Variants in ENOX1 observed in about 807,000 individuals in gnomAD.
The protein encoded by ENOX1 is ecto-NOX disulfide-thiol exchanger 1, also known as candidate growth-related and time keeping constitutive hydroquinone (NADH) oxidase.
In ENOX1, 42 loss-of-function variants were observed where a neutral mutation model predicts 82.5. The ratio of observed to expected loss-of-function variants is 0.51; its 90% confidence interval spans 0.40 to 0.66. The LOEUF is 0.66. Ranked by LOEUF, ENOX1 falls within the 30% of genes least tolerant of loss-of-function variation. The probability of loss-of-function intolerance (pLI) is 0.00; values close to 1 mark genes in which losing one functional copy is unlikely to be tolerated. For missense variants in ENOX1, 608 were observed against 811.6 expected, an observed-to-expected ratio of 0.75 and a Z score of 3.05; for synonymous variants, 271 against 282.2, an observed-to-expected ratio of 0.96 and a Z score of 0.40.
At chr13:43,652,386 T>C (rs2084234294) in intron 2 of ENOX1, among the ~76,000 whole-genome samples, 1 of 152,196 alleles carries the variant, frequency 6.6e-6, no homozygotes, top group African/African-American at 2.4e-5. Context: ...ACTTGTAGTA[T>C]GCTAACATGC....
intron 9 of ENOX1, among the ~76,000 whole-genome samples, chr13:43,341,226 G>A (rs1165971122): frequency 6.6e-6 from 1 of 151,898 alleles, no homozygotes; most frequent in African/African-American, 2.4e-5. Context: ...GAACCCGGAG[G>A]CAGAGGTTGC....
At chr13:43,612,832 T>C (rs1295591141) in intron 2 of ENOX1, among the ~76,000 whole-genome samples, 1 of 148,590 alleles carries the variant, frequency 6.7e-6, no homozygotes, top group East Asian at 2.0e-4. Context: ...AACATTTATG[T>C]ATCACTACCT....
chr13:43,611,001 A>G (rs2082176931), intron 2 of ENOX1, among the ~76,000 whole-genome samples: 1 of 152,200 alleles, frequency 6.6e-6, no homozygotes, highest in South Asian at 2.1e-4. Context: ...CAGGAATGCC[A>G]ATAATTTTTT....
chr13:43,286,276 G>A (rs1430287915), intron 12 of ENOX1, among the ~76,000 whole-genome samples: 3 of 152,168 alleles, frequency 2.0e-5, no homozygotes, highest in Non-Finnish European at 4.4e-5. Flanking sequence ...GCAAAAGTCC[G>A]CTTTGATGTA....
chr13:43,392,569 C>T (rs1253992948), intron 5 of ENOX1, among the ~76,000 whole-genome samples: 1 of 152,082 alleles, frequency 6.6e-6, no homozygotes, highest in Admixed American at 6.5e-5. Flanking sequence ...GTGGCAGGTG[C>T]CTGTAGTCCC....
intron 12 of ENOX1, among the ~76,000 whole-genome samples, chr13:43,289,479 C>A (rs549324629): frequency 1.2e-4 from 19 of 152,282 alleles, no homozygotes; most frequent in African/African-American, 4.3e-4. Context: ...GGAAAGGACT[C>A]TCTGTTCAAT....
At position 43,549,522 on chromosome 13, in the gene ENOX1, A is replaced by G. The variant is rs1314634434; in HGVS notation, c.-218-65370T>C. On this transcript the variant is annotated intron_variant, in intron 2 of 16. Coordinates refer to ENST00000690772, the MANE Select transcript of ENOX1 (RefSeq NM_001347969.2). ...TTTTCAGTTCATCTTCTGACTTCAC[A>G]AGAATGGAAGTTTTGTATTCTACTA... 7.9e-5 allele frequency among the ~76,000 whole-genome samples: 12 copies of G among 152,346 alleles called. No homozygotes were observed. The East Asian group carries it at 2.3e-3, about 29-fold the overall frequency.
At chr13:43,240,371 G>C (rs995061953) in intron 14 of ENOX1, among the ~76,000 whole-genome samples, 4 of 152,158 alleles carry the variant, frequency 2.6e-5, no homozygotes, top group Admixed American at 6.5e-5. Flanking sequence ...TGGAGAAGTA[G>C]GTAGATCATG....
At chr13:43,217,112 C>A (rs532689018) in intron 16 of ENOX1, among the ~76,000 whole-genome samples, 29 of 152,186 alleles carry the variant, frequency 1.9e-4, no homozygotes, top group Non-Finnish European at 3.1e-4. Flanking sequence ...TTCTTAACCA[C>A]CCCTGCCCAC....
At chr13:43,420,578 G>T (rs1334765244) in intron 3 of ENOX1, among the ~76,000 whole-genome samples, 1 of 152,150 alleles carries the variant, frequency 6.6e-6, no homozygotes, top group African/African-American at 2.4e-5. Context: ...TGTGGTAAAA[G>T]AAAACATAAA....
chr13:43,608,600 C>T (rs1329287), intron 2 of ENOX1, among the ~76,000 whole-genome samples: 148,894 of 152,228 alleles, frequency 0.98, 72,912 homozygotes, highest in Middle Eastern at 1. Context: ...CTCAGGGCTA[C>T]TGGTCATAGG....
At chr13:43,708,538 A>T (rs1463642310) in intron 1 of ENOX1, among the ~76,000 whole-genome samples, 1 of 152,186 alleles carries the variant, frequency 6.6e-6, no homozygotes, top group Non-Finnish European at 1.5e-5. Flanking sequence ...CCTCAGTCAA[A>T]TTCTTTCTTC....
intron 8 of ENOX1, among the ~76,000 whole-genome samples, chr13:43,350,080 T>C (rs1555329233): frequency 6.6e-6 from 1 of 152,192 alleles, no homozygotes; most frequent in Admixed American, 6.5e-5. Context: ...TTTGTAGGAG[T>C]AGAACATAAA....
chr13:43,600,620 ACAAACTTG>A (rs2081667104), intron 2 of ENOX1, among the ~76,000 whole-genome samples: 2 of 152,198 alleles, frequency 1.3e-5, no homozygotes, highest in Admixed American at 1.3e-4. Context: ...CAGGAAGAAC[ACAAACTTG>A]GCTGGCTTTA....
rs1205957571 is a variant in ENOX1, at chr13:43,726,749, T to TGA, written c.-284-59206_-284-59205insTC. 8.6e-5 allele frequency among the ~76,000 whole-genome samples: 12 copies of TGA among 139,000 alleles called. No homozygotes were observed. The Middle Eastern group carries it at 0.011, about 124-fold the overall frequency. 91.2% of individuals were successfully genotyped at this position (139,000 alleles called of 152,430 possible). A position where few individuals can be genotyped will look rare whatever the true frequency, so the allele number is the denominator to read the frequency against. ...GTGTGTGTGTGTGTGTGTGTGTGTG[T>TGA]GTGTGAGAGAGAGACAGGGTCTCAC... is the stretch of plus-strand genomic sequence containing the variant. On this transcript the variant is annotated intron_variant, in intron 1 of 16. Coordinates refer to ENST00000690772, the MANE Select transcript of ENOX1 (RefSeq NM_001347969.2).
rs141356594 is a variant in ENOX1, at chr13:43,691,662, T to C, written c.-284-24118A>G. The stretch of plus-strand genomic sequence containing the variant: ...TGGTTCATTCCTACTATATGTTTAA[T>C]GTTCATTCAGGGATAATCTCCTGGA... On this transcript the variant is annotated intron_variant, in intron 1 of 16. Transcript: ENST00000690772. Among the ~76,000 whole-genome samples the C allele has an allele frequency of 8.9e-3, 1,355 of 151,924 alleles. 21 individuals carry two copies. Among genetic ancestry groups the C allele is most frequent in the African/African-American group, 0.031 (1,283 of 41,426 alleles).
At chr13:43,492,192 T>C (rs1340340062) in intron 2 of ENOX1, among the ~76,000 whole-genome samples, 2 of 152,182 alleles carry the variant, frequency 1.3e-5, no homozygotes, top group Non-Finnish European at 2.9e-5. Flanking sequence ...CTTTATCTAT[T>C]AGCCTATGAG....
intron 8 of ENOX1, among the ~76,000 whole-genome samples, chr13:43,347,637 A>G (rs1481436098): frequency 1.3e-5 from 2 of 152,240 alleles, no homozygotes; most frequent in Non-Finnish European, 2.9e-5. Context: ...TTTTGTATTC[A>G]GTGGAAAGAT....
At chr13:43,547,477 A>T (rs2079022068) in intron 2 of ENOX1, 1 of 152,236 alleles carries the variant, frequency 6.6e-6, no homozygotes, top group Non-Finnish European at 1.5e-5. Context: ...CAATGTGTGA[A>T]GATAAAAGTT....
Sources: gnomAD v4.1 joint callset for allele counts (sites outside exome capture counted in the v4.1 genomes callset) on GRCh38, gnomAD v4.1.1 for gene constraint, MANE v1.5 for transcripts, NCBI Gene and HGNC (gene_info 2026-07-23, HGNC 2026-07-21) for gene names.